DMXL1: variants seen among roughly 807,000 people sequenced by gnomAD.
DMXL1 encodes dmX-like protein 1.
DMXL1 carries 99 observed loss-of-function variants against 319.2 expected under a neutral mutation model. The observed-to-expected ratio is 0.31, with a 90% CI of 0.26 to 0.37. The LOEUF (loss-of-function observed/expected upper bound fraction) is 0.37. Among genes scored for constraint, DMXL1 ranks in the 10% least tolerant of loss-of-function variants. The pLI is 1.00. For synonymous variants in DMXL1, 1,385 were observed against 1,235.2 expected (o/e 1.12, Z -2.54); for missense variants, 3,745 against 3,595.6 (o/e 1.04, Z -1.06).
At chr5:119,241,396 G>A (rs1208156040) in intron 42 of DMXL1, among the ~76,000 whole-genome samples, 2 of 151,930 alleles carry the variant, frequency 1.3e-5, no homozygotes, top group African/African-American at 2.4e-5. Flanking sequence ...TTAGCCAGGC[G>A]TTGTGGTGGA....
chr5:119,134,608 G>A (rs1211430855), intron 13 of DMXL1, among the ~76,000 whole-genome samples: 5 of 152,182 alleles, frequency 3.3e-5, no homozygotes, highest in Non-Finnish European at 5.9e-5. Flanking sequence ...CTCATCTCCT[G>A]TAATATGTTT....
At chr5:119,092,296 T>C (rs1754975843) in intron 1 of DMXL1, among the ~76,000 whole-genome samples, 1 of 151,902 alleles carries the variant, frequency 6.6e-6, no homozygotes, top group Non-Finnish European at 1.5e-5. Context: ...TTCTTTTTCT[T>C]TTTTTTTCAC....
At chr5:119,159,054 T>G (rs1281251475) in intron 19 of DMXL1, among the ~76,000 whole-genome samples, 1 of 152,180 alleles carries the variant, frequency 6.6e-6, no homozygotes, top group Non-Finnish European at 1.5e-5. Flanking sequence ...TTGGTGTTAG[T>G]TTTTCTTTAA....
chr5:119,219,201 A>G (rs999247099), intron 35 of DMXL1, among the ~76,000 whole-genome samples: 3 of 152,186 alleles, frequency 2.0e-5, no homozygotes, highest in African/African-American at 7.2e-5. Flanking sequence ...CTACACACAT[A>G]GTAGGTTATA....
intron 1 of DMXL1, among the ~76,000 whole-genome samples, chr5:119,084,348 G>C (rs1017894160): frequency 1.6e-4 from 25 of 152,084 alleles, no homozygotes; most frequent in Admixed American, 5.9e-4. Flanking sequence ...TCGAACTCCT[G>C]ACCTCAAGTG....
Position 119,129,321 on chromosome 5 carries a change from T to G in DMXL1, c.1213T>G (p.Ser405Ala). ...CAATAAAGAACTGCATTTTACTTTG[T>G]CCATGGAAGTTTTTTTACAGCAACT... Reference protein sequence around the residue: ...LNNKELHFTLSMEVFLQQLRK... With the variant: ...LNNKELHFTLAMEVFLQQLRK... The change falls in exon 10 of 44, where the codon TCC becomes GCC. Residue 405 changes from serine (S) to alanine (A), a missense_variant. Ser to Ala is a moderately conservative substitution (Grantham distance 99). Transcript: ENST00000539542. 1 of 1,613,894 alleles carries G rather than the reference T, an allele frequency of 6.2e-7. No individual in the cohort carries two copies. The highest frequency in any genetic ancestry group is 2.2e-5 in the East Asian group (1 of 44,808).
intron 26 of DMXL1, 114 bp from the exon 27 acceptor site, chr5:119,177,243 A>G (rs1008067479): frequency 8.3e-6 from 5 of 601,136 alleles, no homozygotes; most frequent in South Asian, 6.2e-5. Flanking sequence ...TATTACTTAG[A>G]TGTACTAGCA....
chr5:119,155,870 C>A (rs1379293837), intron 19 of DMXL1, among the ~76,000 whole-genome samples: 1 of 149,852 alleles, frequency 6.7e-6, no homozygotes, highest in African/African-American at 2.5e-5. Flanking sequence ...TGAGGAGTTG[C>A]TTCTTAAAGG....
chr5:119,209,861 C>T (rs572884139), intron 34 of DMXL1, among the ~76,000 whole-genome samples: 164 of 152,238 alleles, frequency 1.1e-3, no homozygotes, highest in African/African-American at 3.0e-3. Flanking sequence ...TCAATTTTAA[C>T]AGTTATTTGT....
chr5:119,139,141 A>G (rs1433297844), intron 13 of DMXL1, among the ~76,000 whole-genome samples: 1 of 152,206 alleles, frequency 6.6e-6, no homozygotes, highest in African/African-American at 2.4e-5. Flanking sequence ...AGTAGTAAAT[A>G]TTGAATGGAA....
intron 19 of DMXL1, among the ~76,000 whole-genome samples, chr5:119,162,079 C>T (rs893337417): frequency 3.3e-5 from 5 of 152,168 alleles, no homozygotes; most frequent in South Asian, 2.1e-4. Context: ...AATGTCTGAC[C>T]GTGGCTTTCT....
intron 9 of DMXL1, among the ~76,000 whole-genome samples, chr5:119,122,175 C>G (rs545835619): frequency 7.4e-6 from 1 of 135,534 alleles, no homozygotes; most frequent in African/African-American, 2.8e-5. Context: ...GGCGGCTGGC[C>G]GGGCAGAGTG....
At chr5:119,107,492 A>T (rs1012203150) in intron 4 of DMXL1, among the ~76,000 whole-genome samples, 2 of 152,120 alleles carry the variant, frequency 1.3e-5, no homozygotes, top group Admixed American at 1.3e-4. Context: ...TAGACTTTTT[A>T]TGCTTTTTTC....
At chr5:119,151,538 G>A (rs1769796599) in intron 18 of DMXL1, among the ~76,000 whole-genome samples, 1 of 152,064 alleles carries the variant, frequency 6.6e-6, no homozygotes, top group Non-Finnish European at 1.5e-5. Context: ...TCCCACCATA[G>A]AACTGTTTCT....
intron 1 of DMXL1, among the ~76,000 whole-genome samples, chr5:119,095,498 T>C (rs1755734000): frequency 6.6e-6 from 1 of 152,228 alleles, no homozygotes; most frequent in Admixed American, 6.5e-5. Context: ...ACAAAATACT[T>C]GCAACGTAAT....
chr5:119,085,174 C>A (rs1338019106), intron 1 of DMXL1, among the ~76,000 whole-genome samples: 1 of 151,444 alleles, frequency 6.6e-6, no homozygotes, highest in African/African-American at 2.4e-5. Flanking sequence ...ATTAAAAATA[C>A]AAAAAAATTA....
At chr5:119,175,792 T>C (rs2150301145) in intron 26 of DMXL1, among the ~76,000 whole-genome samples, 1 of 152,214 alleles carries the variant, frequency 6.6e-6, no homozygotes, top group Non-Finnish European at 1.5e-5. Context: ...TACCAAATAA[T>C]TGATGTATAG....
At position 119,248,122 on chromosome 5, in the gene DMXL1, A is replaced by G. The variant is rs1790078829; in HGVS notation, c.*903A>G. On this transcript the variant is annotated 3_prime_UTR_variant, in exon 44 of 44. Transcript: ENST00000539542. ...TTAAAGTAAGTTTGTGAATTTGTCA[A>G]CTTTCGAGCATCAAACAAATATTTT... 1.3e-5 allele frequency: 2 copies of G among 152,248 alleles called. No individual in the cohort carries two copies. The highest frequency in any genetic ancestry group is 2.9e-5 in the Non-Finnish European group (2 of 67,952). The allele number at this position is 152,248 out of a possible 1,614,324, so 9.4% of individuals were successfully genotyped here.
intron 5 of DMXL1, among the ~76,000 whole-genome samples, chr5:119,112,465 G>A (rs1426575884): frequency 6.6e-6 from 1 of 152,146 alleles, no homozygotes; most frequent in Non-Finnish European, 1.5e-5. Flanking sequence ...TGGTGTAACA[G>A]GATTTAAGTG....
Sources: gnomAD v4.1 joint callset for allele counts (sites outside exome capture counted in the v4.1 genomes callset) on GRCh38, gnomAD v4.1.1 for gene constraint, MANE v1.5 for transcripts, NCBI Gene and HGNC (gene_info 2026-07-23, HGNC 2026-07-21) for gene names.